PTPRT: variants seen among roughly 807,000 people sequenced by gnomAD.
PTPRT encodes the protein receptor-type tyrosine-protein phosphatase T.
A neutral mutation model predicts 176.8 loss-of-function variants in PTPRT; 56 were observed. The observed-to-expected ratio is 0.32, with a 90% confidence interval of 0.26 to 0.40. PTPRT has a LOEUF of 0.40. PTPRT is among the 10% of genes least tolerant of loss of function. The pLI is 1.00. For missense variants in PTPRT, 1,540 were observed against 1,908.2 expected (o/e 0.81, Z 3.60); for synonymous variants, 783 against 739.0 (o/e 1.06, Z -0.96).
chr20:42,533,116 T>C (rs2072414957), intron 7 of PTPRT, among the ~76,000 whole-genome samples: 1 of 152,220 alleles, frequency 6.6e-6, no homozygotes, highest in African/African-American at 2.4e-5. Flanking sequence ...CCTGCTGCAT[T>C]ACTAAAGCGG....
At chr20:42,649,052 C>T (rs189078186) in intron 7 of PTPRT, among the ~76,000 whole-genome samples, 1 of 152,052 alleles carries the variant, frequency 6.6e-6, no homozygotes, top group Non-Finnish European at 1.5e-5. Context: ...ATCTCATGAC[C>T]TTGTGATCCG....
At chr20:42,922,603 T>A (rs772381509) in intron 1 of PTPRT, among the ~76,000 whole-genome samples, 1 of 152,190 alleles carries the variant, frequency 6.6e-6, no homozygotes, top group East Asian at 1.9e-4. Flanking sequence ...GTTTCCTTAG[T>A]CTTGCCCACA....
intron 17 of PTPRT, among the ~76,000 whole-genome samples, chr20:42,155,638 G>C (rs1225112727): frequency 6.6e-6 from 1 of 152,168 alleles, no homozygotes; most frequent in African/African-American, 2.4e-5. Flanking sequence ...TTCAATTCAA[G>C]ATAGTTCATA....
intron 5 of PTPRT, among the ~76,000 whole-genome samples, chr20:42,760,013 C>G (rs967286320): frequency 6.6e-6 from 1 of 152,204 alleles, no homozygotes; most frequent in African/African-American, 2.4e-5. Context: ...CAAGCTCCAG[C>G]CTGGTCCCAC....
intron 9 of PTPRT, among the ~76,000 whole-genome samples, chr20:42,358,355 T>C (rs1022817376): frequency 6.6e-6 from 1 of 152,186 alleles, no homozygotes; most frequent in African/African-American, 2.4e-5. Flanking sequence ...TCCATTGAGC[T>C]CTTGACTAGG....
intron 6 of PTPRT, among the ~76,000 whole-genome samples, chr20:42,712,248 C>A (rs932768443): frequency 2.0e-5 from 3 of 152,172 alleles, no homozygotes; most frequent in African/African-American, 7.2e-5. Context: ...CCCACAGGAT[C>A]TAATTGTGGG....
chr20:42,195,817 T>C (rs1399181845), intron 16 of PTPRT, among the ~76,000 whole-genome samples: 1 of 152,186 alleles, frequency 6.6e-6, no homozygotes, highest in Non-Finnish European at 1.5e-5. Context: ...AAAACACATA[T>C]GCACACACAT....
chr20:42,366,620 T>A (rs1445574274), intron 9 of PTPRT, among the ~76,000 whole-genome samples: 1 of 152,206 alleles, frequency 6.6e-6, no homozygotes, highest in Non-Finnish European at 1.5e-5. Flanking sequence ...CAAGGAATCA[T>A]CTGGAACACT....
chr20:42,143,184 T>C (rs1988705539), intron 17 of PTPRT, among the ~76,000 whole-genome samples: 1 of 152,128 alleles, frequency 6.6e-6, no homozygotes, highest in Non-Finnish European at 1.5e-5. Flanking sequence ...GATTCATGTA[T>C]TACAAAGTAC....
intron 27 of PTPRT, among the ~76,000 whole-genome samples, chr20:42,093,892 A>G (rs938211977): frequency 2.0e-5 from 3 of 152,190 alleles, no homozygotes; most frequent in African/African-American, 7.2e-5. Flanking sequence ...GATGATATTT[A>G]TATCAATAAG....
chr20:42,438,794 G>A (rs1359949138), intron 9 of PTPRT, among the ~76,000 whole-genome samples: 1 of 152,154 alleles, frequency 6.6e-6, no homozygotes, highest in African/African-American at 2.4e-5. Flanking sequence ...GCTATCCTTA[G>A]GTAACAAGTG....
chr20:42,703,160 A>C (rs999174700), intron 6 of PTPRT, among the ~76,000 whole-genome samples: 8 of 152,312 alleles, frequency 5.3e-5, no homozygotes, highest in South Asian at 4.1e-4. Flanking sequence ...ACTGCTGCAG[A>C]CTTCATCTGA....
intron 11 of PTPRT, 42 bp from the exon 12 acceptor site, chr20:42,316,038 T>C (rs999717640): frequency 6.2e-7 from 1 of 1,601,760 alleles, no homozygotes; most frequent in Admixed American, 1.7e-5. Context: ...AGCAACTTTC[T>C]GGAAGAATGA....
chr20:42,526,495 C>T (rs947109968), intron 7 of PTPRT, among the ~76,000 whole-genome samples: 3 of 152,026 alleles, frequency 2.0e-5, no homozygotes, highest in African/African-American at 7.2e-5. Context: ...CATACTTTAT[C>T]CTCTGCTTGA....
intron 7 of PTPRT, among the ~76,000 whole-genome samples, chr20:42,567,291 AAGAG>A (rs200210899): frequency 1.1e-4 from 17 of 150,522 alleles, no homozygotes; most frequent in East Asian, 1.9e-4. Flanking sequence ...AAAAAAATAA[AAGAG>A]AGAGAGAGAG....
At chr20:42,768,026 T>A (rs1212783223) in intron 5 of PTPRT, among the ~76,000 whole-genome samples, 2 of 108,174 alleles carry the variant, frequency 1.8e-5, no homozygotes, top group African/African-American at 3.4e-5. Context: ...ACACACACAC[T>A]GCTTCTCTGG....
intron 1 of PTPRT, among the ~76,000 whole-genome samples, chr20:42,894,837 T>C (rs939057311): frequency 2.6e-5 from 4 of 152,068 alleles, no homozygotes; most frequent in Non-Finnish European, 4.4e-5. Context: ...CTTCACCTCA[T>C]AACGGAGGCC....
chr20:42,130,305 G>A (rs969341690), intron 18 of PTPRT, among the ~76,000 whole-genome samples: 2 of 152,138 alleles, frequency 1.3e-5, no homozygotes, highest in African/African-American at 2.4e-5. Flanking sequence ...AAGGGATGGA[G>A]GGAGGTGGTG....
chr20:42,840,202 C>A (rs1336266496), intron 2 of PTPRT, among the ~76,000 whole-genome samples: 1 of 135,122 alleles, frequency 7.4e-6, no homozygotes, highest in Non-Finnish European at 1.6e-5. Context: ...GCTGCGTGAC[C>A]CCCATCTCTG....
Sources: allele counts gnomAD v4.1 joint callset (sites outside exome capture counted in the v4.1 genomes callset), GRCh38; gene constraint gnomAD v4.1.1; transcripts MANE v1.5; gene names NCBI Gene and HGNC (gene_info 2026-07-23, HGNC 2026-07-21).